SATB2: variants seen among roughly 807,000 people sequenced by gnomAD.
The protein encoded by SATB2 is SATB homeobox 2.
Under a neutral mutation model 73.4 loss-of-function variants are expected in SATB2, and 1 was observed. That is an observed-to-expected ratio of 0.01 (90% confidence interval 0.00 to 0.06). The LOEUF (loss-of-function observed/expected upper bound fraction) is 0.06, where lower values mean the gene tolerates loss of function less well. SATB2 is among the 10% of genes least tolerant of loss of function. The pLI is 1.00. For synonymous variants in SATB2, 397 were observed against 367.0 expected, an observed-to-expected ratio of 1.08 and a Z score of -0.93; for missense variants, 459 against 945.8, an observed-to-expected ratio of 0.49 and a Z score of 6.75.
At chr2:199,310,149 G>C (rs531801773) in intron 9 of SATB2, among the ~76,000 whole-genome samples, 1 of 152,014 alleles carries the variant, frequency 6.6e-6, no homozygotes. Context: ...TTCAACTGCC[G>C]GCTGCAGCAC....
At chr2:199,468,120 CT>C (rs1251174014), upstream of SATB2, 1 of 149,534 alleles carries the variant, frequency 6.7e-6, no homozygotes, top group African/African-American at 2.5e-5. Context: ...CTGAGTGTGC[CT>C]GCAGTAGGGT....
Position 199,270,510 on chromosome 2 carries a change from C to CAAAAAA in SATB2, c.*1695_*1700dup, listed in dbSNP as rs67882050. On this transcript the variant is annotated 3_prime_UTR_variant, in exon 11 of 11. Transcript: ENST00000417098. ...GACAAGGTTTTGTGAAAGCACAACT[C>CAAAAAA]AAAAAAAAAAAAAAAATCCAACCAT... is the stretch of plus-strand genomic sequence containing the variant. 1 of 138,038 alleles carries CAAAAAA rather than the reference C, an allele frequency of 7.2e-6. No individual in the cohort carries two copies. The highest frequency in any genetic ancestry group is 1.5e-5 in the Non-Finnish European group (1 of 65,154). 8.6% of individuals were successfully genotyped at this position (138,038 alleles called of 1,614,324 possible).
chr2:199,428,947 A>C (rs1691415637), intron 3 of SATB2, among the ~76,000 whole-genome samples: 1 of 150,770 alleles, frequency 6.6e-6, no homozygotes, highest in African/African-American at 2.4e-5. Flanking sequence ...TCAAGGCTGC[A>C]GTAAGCTATG....
intron 2 of SATB2, among the ~76,000 whole-genome samples, chr2:199,454,464 C>A (rs1188476556): frequency 1.3e-5 from 2 of 152,152 alleles, no homozygotes; most frequent in African/African-American, 2.4e-5. Context: ...AAAAGTCTGA[C>A]ATTATTTGCT....
chr2:199,407,534 A>G (rs1407052848), intron 3 of SATB2, among the ~76,000 whole-genome samples: 2 of 152,190 alleles, frequency 1.3e-5, no homozygotes, highest in African/African-American at 4.8e-5. Context: ...TAACTTTGAC[A>G]AAGTTATTAA....
chr2:199,415,175 T>C (rs571400126), intron 3 of SATB2, among the ~76,000 whole-genome samples: 1 of 152,332 alleles, frequency 6.6e-6, no homozygotes, highest in South Asian at 2.1e-4. Context: ...TCCTTCACAG[T>C]ACAGACTTAT....
chr2:199,326,873 G>A (rs1688043092), intron 8 of SATB2, among the ~76,000 whole-genome samples: 1 of 152,062 alleles, frequency 6.6e-6, no homozygotes, highest in South Asian at 2.1e-4. Context: ...ATTCACTAAA[G>A]ACTGAAGTGT....
At chr2:199,384,213 T>C (rs1246964967) in intron 3 of SATB2, among the ~76,000 whole-genome samples, 1 of 152,234 alleles carries the variant, frequency 6.6e-6, no homozygotes, top group Admixed American at 6.5e-5. Context: ...CAACACTTAA[T>C]ACCTCCACAT....
intron 5 of SATB2, among the ~76,000 whole-genome samples, chr2:199,374,765 A>C (rs1689548335): frequency 6.6e-6 from 1 of 152,092 alleles, no homozygotes; most frequent in Non-Finnish European, 1.5e-5. Context: ...GGAGTTCAAG[A>C]CTAGTCTGGC....
chr2:199,304,258 G>A (rs892754850), intron 10 of SATB2, among the ~76,000 whole-genome samples: 3 of 152,156 alleles, frequency 2.0e-5, no homozygotes, highest in Non-Finnish European at 4.4e-5. Context: ...TCAGCACAGG[G>A]CCTTGGGTTA....
At chr2:199,443,683 C>T (rs1209636796) in intron 2 of SATB2, among the ~76,000 whole-genome samples, 3 of 152,096 alleles carry the variant, frequency 2.0e-5, no homozygotes, top group Admixed American at 1.3e-4. Flanking sequence ...TTCACAAAGC[C>T]GAGCTTAAGC....
chr2:199,434,307 A>C lies in SATB2; in HGVS notation c.170-793T>G, dbSNP rs558815694. On this transcript the variant is annotated intron_variant, in intron 2 of 10. Coordinates refer to ENST00000417098, the MANE Select transcript of SATB2 (RefSeq NM_001172509.2). Reference sequence around the variant, plus strand: ...TCTTGTGTTTTCAGAGAAAATAAGTAAACTACCCTAAAGAATAAAGCAAAT... The same window carrying C: ...TCTTGTGTTTTCAGAGAAAATAAGTCAACTACCCTAAAGAATAAAGCAAAT... Among the ~76,000 whole-genome samples the C allele has an allele frequency of 2.8e-4, 43 of 152,268 alleles. No homozygotes were observed. In the South Asian group the frequency reaches 8.3e-3, roughly 29 times the overall value.
intron 3 of SATB2, among the ~76,000 whole-genome samples, chr2:199,386,716 G>A (rs11680667): frequency 0.11 from 975 of 9,094 alleles, 18 homozygotes; most frequent in East Asian, 0.21. Context: ...GCGCGCGCGC[G>A]CACACACACA....
At position 199,349,135 on chromosome 2, in the gene SATB2, C is replaced by T. The variant is rs767767817; in HGVS notation, c.739G>A (p.Val247Ile). ...AAATGCATTGGACGCTGGCCCAGAA[C>T]ACAATAGTCTGAAAGGTTTTCTCGT... ...VERENLSDYC[V>I]LGQRPMHLPN... Residue 247 changes from valine to isoleucine, a missense_variant, in exon 7 of 11, where the codon GTT (valine) becomes ATT (isoleucine). Val to Ile is a conservative substitution (Grantham distance 29, BLOSUM62 3). Around this residue, in one of 13 missense-constraint regions of SATB2, gnomAD observed 77 missense variants for 90.4 expected, o/e 0.85. Transcript: ENST00000417098. 1.9e-6 allele frequency: 3 copies of T among 1,613,804 alleles called. No homozygotes were observed. The highest frequency in any genetic ancestry group is 2.7e-5 in the African/African-American group (2 of 74,898).
rs553005808 is a variant in SATB2 at position 199,381,068 on chromosome 2, C to T, written c.474-581G>A. Among the ~76,000 whole-genome samples the T allele has an allele frequency of 3.3e-5, 5 of 152,340 alleles. No individual in the cohort carries two copies. The East Asian group carries it at 9.6e-4, about 29-fold the overall frequency. On this transcript the variant is annotated intron_variant, in intron 4 of 10. Transcript: ENST00000417098. ...ACAACACTCCTTAAATCACACCTAT[C>T]AGGCACTTTACAATAAAAGACTGCA...
chr2:199,337,294 T>C (rs541333099), intron 7 of SATB2, among the ~76,000 whole-genome samples: 77 of 152,316 alleles, frequency 5.1e-4, no homozygotes, highest in African/African-American at 1.8e-3. Flanking sequence ...AAATATTCAA[T>C]TTATACTTCA....
At chr2:199,320,471 G>A (rs2105784583) in intron 9 of SATB2, among the ~76,000 whole-genome samples, 1 of 152,236 alleles carries the variant, frequency 6.6e-6, no homozygotes, top group South Asian at 2.1e-4. Flanking sequence ...ACGAAGAAAG[G>A]GGCAAGGGCC....
chr2:199,374,971 A>G (rs552440987), intron 5 of SATB2, among the ~76,000 whole-genome samples: 27 of 149,210 alleles, frequency 1.8e-4, no homozygotes, highest in African/African-American at 6.4e-4. Flanking sequence ...CGCAAAAAGA[A>G]AAAAAAAAAA....
At chr2:199,356,416 G>A (rs1438236795) in intron 6 of SATB2, among the ~76,000 whole-genome samples, 1 of 151,904 alleles carries the variant, frequency 6.6e-6, no homozygotes, top group African/African-American at 2.4e-5. Context: ...CCAAACATTA[G>A]AGCACAGAAA....
Sources: allele counts gnomAD v4.1 joint callset (sites outside exome capture counted in the v4.1 genomes callset), GRCh38; gene constraint gnomAD v4.1.1; regional missense constraint gnomAD v4.1.1; transcripts MANE v1.5; gene names NCBI Gene and HGNC (gene_info 2026-07-23, HGNC 2026-07-21).